Variants in INSL6 observed in about 807,000 individuals in gnomAD.
The protein encoded by INSL6 is insulin like 6.
INSL6 carries 16 observed loss-of-function variants against 9.4 expected under a neutral mutation model. The ratio of observed to expected loss-of-function variants is 1.70; its 90% CI spans 1.15 to 2.59. The LOEUF is 2.59. Ranked by LOEUF, INSL6 falls within the 30% of genes most tolerant of loss-of-function variation. The probability of loss-of-function intolerance (pLI) is 0.00; values close to 1 mark genes in which losing one functional copy is unlikely to be tolerated. For missense variants in INSL6, 391 were observed against 257.3 expected, an observed-to-expected ratio of 1.52 and a Z score of -3.56; for synonymous variants, 154 against 96.9, an observed-to-expected ratio of 1.59 and a Z score of -3.46.
At chr9:5,094,507 A>T in the INSL6 span, 1 of 152,146 alleles carries the variant, frequency 6.6e-6, no homozygotes, top group Non-Finnish European at 1.5e-5. Flanking sequence ...ATATGAAGTC[A>T]CCCTAGCCAT....
the INSL6 span, among the ~76,000 whole-genome samples, chr9:5,018,117 G>A: frequency 6.6e-6 from 1 of 152,108 alleles, no homozygotes; most frequent in East Asian, 1.9e-4. Flanking sequence ...GATATGTGAA[G>A]GCTTATTCCT....
At chr9:5,064,335 G>C in the INSL6 span, among the ~76,000 whole-genome samples, 8 of 152,258 alleles carry the variant, frequency 5.3e-5, no homozygotes, top group South Asian at 1.7e-3. Context: ...TTGGAGACCA[G>C]CCTGGCCAAC....
chr9:5,176,581 C>T (rs970611291), intron 1 of INSL6, among the ~76,000 whole-genome samples: 3 of 151,696 alleles, frequency 2.0e-5, no homozygotes, highest in African/African-American at 4.8e-5. Flanking sequence ...GCCCTATTTA[C>T]GATGATTAAA....
chr9:5,036,096 CAGAG>C, the INSL6 span, among the ~76,000 whole-genome samples: 4 of 152,290 alleles, frequency 2.6e-5, no homozygotes, highest in East Asian at 5.8e-4. Context: ...AACAGACAAA[CAGAG>C]AGCCAAATCA....
chr9:4,999,057 C>A, the INSL6 span, among the ~76,000 whole-genome samples: 2 of 152,010 alleles, frequency 1.3e-5, no homozygotes, highest in East Asian at 3.9e-4. Context: ...GATCTCCTGA[C>A]CTTGTGATCC....
At chr9:5,068,203 T>C in the INSL6 span, among the ~76,000 whole-genome samples, 2 of 151,880 alleles carry the variant, frequency 1.3e-5, no homozygotes, top group Admixed American at 6.6e-5. Flanking sequence ...GAAAGGTTAT[T>C]TGGCATAGGA....
chr9:5,064,001 C>T, the INSL6 span, among the ~76,000 whole-genome samples: 2 of 151,982 alleles, frequency 1.3e-5, no homozygotes, highest in Non-Finnish European at 1.5e-5. Flanking sequence ...ACTAAAAATA[C>T]AAAAATTAGC....
the INSL6 span, among the ~76,000 whole-genome samples, chr9:5,060,409 C>G: frequency 6.6e-6 from 1 of 152,218 alleles, no homozygotes; most frequent in Non-Finnish European, 1.5e-5. Flanking sequence ...AGAAATGAGT[C>G]AGTCCTCTCA....
chr9:5,069,933 A>G, the INSL6 span: 2 of 1,594,740 alleles, frequency 1.3e-6, no homozygotes, highest in South Asian at 1.1e-5. Context: ...AGATAAATCA[A>G]ACCTTCTAGT....
intron 2 of INSL6, among the ~76,000 whole-genome samples, chr9:5,148,178 T>G (rs1824639576): frequency 6.6e-6 from 1 of 152,182 alleles, no homozygotes; most frequent in Admixed American, 6.5e-5. Flanking sequence ...TTCCTTCAAT[T>G]GTGGTATAAA....
chr9:5,088,915 G>A, the INSL6 span, among the ~76,000 whole-genome samples: 2 of 152,164 alleles, frequency 1.3e-5, no homozygotes, highest in South Asian at 4.1e-4. Flanking sequence ...GGGGGTTAAG[G>A]CTTCATTATA....
chr9:5,172,688 G>A (rs1476028075), intron 1 of INSL6, among the ~76,000 whole-genome samples: 4 of 152,188 alleles, frequency 2.6e-5, no homozygotes, highest in Non-Finnish European at 5.9e-5. Flanking sequence ...CAGCACTTTG[G>A]GAGGCCGAGG....
At chr9:5,042,662 G>T in the INSL6 span, among the ~76,000 whole-genome samples, 38 of 152,210 alleles carry the variant, frequency 2.5e-4, 1 homozygote, top group South Asian at 7.9e-3. Flanking sequence ...TCCAAAGGCC[G>T]TTTTCTCAGT....
chr9:5,126,237 A>T (rs1027622466), intron 3 of INSL6: 10 of 756,116 alleles, frequency 1.3e-5, no homozygotes, highest in Non-Finnish European at 2.0e-5. Flanking sequence ...AAAAGCACAC[A>T]TATACTAAAT....
At chr9:5,022,460 A>T in the INSL6 span, among the ~76,000 whole-genome samples, 1 of 152,232 alleles carries the variant, frequency 6.6e-6, no homozygotes, top group Non-Finnish European at 1.5e-5. Flanking sequence ...TTATAATTAC[A>T]TATAAGGTGG....
At chr9:5,157,527 A>C (rs1206020141) in intron 2 of INSL6, among the ~76,000 whole-genome samples, 1 of 152,022 alleles carries the variant, frequency 6.6e-6, no homozygotes, top group Non-Finnish European at 1.5e-5. Flanking sequence ...ATTTGCAGGA[A>C]AAAAAAAGAC....
intron 1 of INSL6, among the ~76,000 whole-genome samples, chr9:5,179,988 C>A (rs1825410293): frequency 6.6e-6 from 1 of 152,124 alleles, no homozygotes; most frequent in Non-Finnish European, 1.5e-5. Flanking sequence ...TGCACATGTA[C>A]TCCTGAACTT....
chr9:5,071,332 A>C, the INSL6 span, among the ~76,000 whole-genome samples: 15 of 152,214 alleles, frequency 9.9e-5, no homozygotes, highest in Non-Finnish European at 2.2e-4. Context: ...TCAGTAGACC[A>C]ACAAACATCA....
chr9:5,115,625 G>A, the INSL6 span, among the ~76,000 whole-genome samples: 2 of 152,106 alleles, frequency 1.3e-5, no homozygotes, highest in African/African-American at 2.4e-5. Context: ...TGTTTATTGT[G>A]GCACTTTTCA....
Sources: allele counts gnomAD v4.1 joint callset (sites outside exome capture counted in the v4.1 genomes callset), GRCh38; gene constraint gnomAD v4.1.1; transcripts MANE v1.5; gene names NCBI Gene and HGNC (gene_info 2026-07-23, HGNC 2026-07-21).